PLSCR2: variants seen among roughly 807,000 people sequenced by gnomAD.
PLSCR2 encodes the protein phospholipid scramblase 2, also known as PL scramblase 2.
Under a neutral mutation model 25.3 loss-of-function variants are expected in PLSCR2, and 18 were observed. The observed-to-expected ratio is 0.71, with a 90% CI of 0.49 to 1.06. PLSCR2 has a LOEUF of 1.06. PLSCR2 is among the 50% of genes least tolerant of loss of function. The pLI is 0.00. For synonymous variants in PLSCR2, 88 were observed against 87.3 expected, an observed-to-expected ratio of 1.01 and a Z score of -0.04; for missense variants, 243 against 269.5, an observed-to-expected ratio of 0.90 and a Z score of 0.69.
At chr3:146,416,622 A>G (rs1195356530) in intron 2 of PLSCR2, 1 of 152,216 alleles carries the variant, frequency 6.6e-6, no homozygotes, top group South Asian at 2.1e-4. Flanking sequence ...GAGTATGACA[A>G]ATTGAAAATA....
At chr3:146,432,034 T>C (rs1170235932), downstream of PLSCR2, among the ~76,000 whole-genome samples, 3 of 152,198 alleles carry the variant, frequency 2.0e-5, no homozygotes. Context: ...AGTTGGCTGC[T>C]AGACATTCTC....
intron 1 of PLSCR2, among the ~76,000 whole-genome samples, chr3:146,481,945 T>G (rs994462764): frequency 1.3e-5 from 2 of 151,914 alleles, no homozygotes; most frequent in Non-Finnish European, 2.9e-5. Context: ...AACCATCTGA[T>G]TGACAAACCT....
intron 8 of PLSCR2, among the ~76,000 whole-genome samples, chr3:146,435,499 GA>G (rs1380201793): frequency 6.6e-6 from 1 of 152,162 alleles, no homozygotes; most frequent in African/African-American, 2.4e-5. Flanking sequence ...TTGTGGTTTT[GA>G]TTTGCATTTC....
chr3:146,494,343 C>T (rs955401649), intron 1 of PLSCR2, among the ~76,000 whole-genome samples: 18 of 152,002 alleles, frequency 1.2e-4, no homozygotes, highest in Admixed American at 9.8e-4. Flanking sequence ...TGGCAATGTA[C>T]TTAATTTAAA....
chr3:146,405,758 A>G (rs2038641899), intron 2 of PLSCR2, among the ~76,000 whole-genome samples: 1 of 152,232 alleles, frequency 6.6e-6, no homozygotes, highest in Admixed American at 6.5e-5. Context: ...CCTAGTGATT[A>G]GAGTAGCTAA....
At chr3:146,494,807 G>A (rs918562313) in intron 1 of PLSCR2, 2 of 152,070 alleles carry the variant, frequency 1.3e-5, no homozygotes, top group African/African-American at 4.8e-5. Context: ...AAATATATAG[G>A]TTTCTTAATT....
At chr3:146,424,042 G>A (rs1334814269) in intron 2 of PLSCR2, among the ~76,000 whole-genome samples, 1 of 151,900 alleles carries the variant, frequency 6.6e-6, no homozygotes, top group South Asian at 2.1e-4. Flanking sequence ...CAGATGATGG[G>A]TTGATGGGTG....
chr3:146,451,606 T>C lies in PLSCR2; in HGVS notation c.484-2239A>G, dbSNP rs541940162. On this transcript the variant is annotated intron_variant, in intron 5 of 6. Coordinates refer to ENST00000610787, the Ensembl canonical transcript of PLSCR2. Reference sequence around the variant, plus strand: ...TACTAAGATGACTGGTGGTTGGTGGTTGGGGTGCCTGATAGCTTCAGTATC... The same window carrying C: ...TACTAAGATGACTGGTGGTTGGTGGCTGGGGTGCCTGATAGCTTCAGTATC... Among the ~76,000 whole-genome samples the C allele has an allele frequency of 3.3e-5, 5 of 152,268 alleles. No individual in the cohort carries two copies. The East Asian group carries it at 5.8e-4, about 18-fold the overall frequency.
rs1372462713 is a variant in PLSCR2, at chr3:146,468,379, A to G, written c.-292-8095T>C. Among the ~76,000 whole-genome samples the G allele has an allele frequency of 2.0e-5, 3 of 152,252 alleles. No individual in the cohort carries two copies. The East Asian group carries it at 5.8e-4, about 29-fold the overall frequency. On this transcript the variant is annotated intron_variant, in intron 1 of 8. Transcript: ENST00000336685. ...CTTCTAAGTGTCACTGGTACTAACC[A>G]TGTATCTCAGTGTCATAAGCGGGAA...
At chr3:146,429,944 G>C (rs1417275501), downstream of PLSCR2, among the ~76,000 whole-genome samples, 1 of 152,112 alleles carries the variant, frequency 6.6e-6, no homozygotes, top group Non-Finnish European at 1.5e-5. Context: ...GGAGCAAAGA[G>C]GGGTGAGAGA....
chr3:146,418,134 CT>C (rs1194909339), intron 2 of PLSCR2, among the ~76,000 whole-genome samples: 1 of 151,960 alleles, frequency 6.6e-6, no homozygotes, highest in African/African-American at 2.4e-5. Flanking sequence ...TGAAAAATAC[CT>C]TTTTTCATCT....
At chr3:146,447,432 G>T (rs1221164200) in intron 6 of PLSCR2, among the ~76,000 whole-genome samples, 1 of 152,110 alleles carries the variant, frequency 6.6e-6, no homozygotes, top group African/African-American at 2.4e-5. Context: ...AGCAGGACTG[G>T]GTCCTTCTCT....
At chr3:146,426,164 C>T (rs1443603901) in intron 2 of PLSCR2, among the ~76,000 whole-genome samples, 2 of 150,764 alleles carry the variant, frequency 1.3e-5, no homozygotes, top group African/African-American at 4.9e-5. Context: ...CTGTTTCCCC[C>T]CTTTATTTTC....
At chr3:146,407,084 AAAG>A (rs2038681259) in intron 2 of PLSCR2, among the ~76,000 whole-genome samples, 1 of 152,184 alleles carries the variant, frequency 6.6e-6, no homozygotes, top group African/African-American at 2.4e-5. Context: ...AGTAGGGCTA[AAAG>A]AAGGAGACTT....
chr3:146,462,932 T>C (rs2041683349), upstream of PLSCR2, among the ~76,000 whole-genome samples: 1 of 152,146 alleles, frequency 6.6e-6, no homozygotes, highest in African/African-American at 2.4e-5. Flanking sequence ...GCCTCTGGGC[T>C]TGGGCTCCAG....
At chr3:146,438,501 T>C (rs2040027404), downstream of PLSCR2, among the ~76,000 whole-genome samples, 1 of 152,242 alleles carries the variant, frequency 6.6e-6, no homozygotes, top group African/African-American at 2.4e-5. Context: ...GCTCTTCTTG[T>C]TGAATGGATC....
Position 146,469,562 on chromosome 3 carries a change from G to A in PLSCR2, c.-292-9278C>T, listed in dbSNP as rs2042026046. The A allele has an allele frequency of 2.0e-6, 2 of 985,302 alleles. No individual in the cohort carries two copies. Among genetic ancestry groups the A allele is most frequent in the African/African-American group, 1.7e-5 (1 of 57,230 alleles). 61.0% of individuals were successfully genotyped at this position (985,302 alleles called of 1,614,324 possible). A position where few individuals can be genotyped will look rare whatever the true frequency, so the allele number is the denominator to read the frequency against. ...GTCCTAGCGTGGCTTCCTCCCGTCT[G>A]CCCCGTGACTGCCAGGCACACCTGT... On this transcript the variant is annotated intron_variant, in intron 1 of 8. Transcript: ENST00000336685.
At chr3:146,398,015 C>A (rs981065234) in intron 2 of PLSCR2, among the ~76,000 whole-genome samples, 1 of 151,920 alleles carries the variant, frequency 6.6e-6, no homozygotes, top group Non-Finnish European at 1.5e-5. Flanking sequence ...AAATTTCTTA[C>A]TAGATATTTT....
intron 3 of PLSCR2, among the ~76,000 whole-genome samples, chr3:146,395,509 T>G (rs1311374006): frequency 1.3e-5 from 2 of 152,166 alleles, no homozygotes; most frequent in African/African-American, 4.8e-5. Context: ...TTTTTACTAT[T>G]TTCAGTGACA....
Sources: allele counts gnomAD v4.1 joint callset (sites outside exome capture counted in the v4.1 genomes callset), GRCh38; gene constraint gnomAD v4.1.1; transcripts MANE v1.5; gene names NCBI Gene and HGNC (gene_info 2026-07-23, HGNC 2026-07-21).